CDC73: variants seen among roughly 807,000 people sequenced by gnomAD.
CDC73 encodes parafibromin.
CDC73 carries 21 observed loss-of-function variants against 83.7 expected under a neutral mutation model. The observed-to-expected ratio is 0.25, with a 90% CI of 0.18 to 0.36. The LOEUF is 0.36. Ranked by LOEUF, CDC73 falls within the 10% of genes least tolerant of loss-of-function variation. CDC73 has a pLI of 1.00. For synonymous variants in CDC73, 224 were observed against 212.9 expected (o/e 1.05, Z -0.45); for missense variants, 342 against 653.3 (o/e 0.52, Z 5.19).
intron 10 of CDC73, among the ~76,000 whole-genome samples, chr1:193,203,467 A>T (rs1261947633): frequency 6.6e-6 from 1 of 152,230 alleles, no homozygotes; most frequent in Non-Finnish European, 1.5e-5. Flanking sequence ...ACAGGCAGTG[A>T]CATTTCTGAG....
In CDC73 at chr1:193,151,295, G is replaced by T. The variant is rs1676105787; in HGVS notation, c.907+913G>T. 2.0e-5 allele frequency among the ~76,000 whole-genome samples: 3 copies of T among 152,140 alleles called. No individual in the cohort carries two copies. The South Asian group carries it at 6.2e-4, about 31-fold the overall frequency. On this transcript the variant is annotated intron_variant, in intron 9 of 16. Coordinates refer to ENST00000367435, the MANE Select transcript of CDC73 (RefSeq NM_024529.5). ...GAATTTTGTGTGCTGACTTCATTCA[G>T]TTGTTAAAGGCATGCACTGGATATG...
chr1:193,180,049 T>C, intron 10 of CDC73: 1 of 310,816 alleles, frequency 3.2e-6, no homozygotes, highest in Non-Finnish European at 5.8e-6. Context: ...GCATGCTTGT[T>C]ATTGCATGTT....
intron 10 of CDC73, chr1:193,186,487 C>T (rs897057905): frequency 1.3e-5 from 2 of 152,528 alleles, no homozygotes; most frequent in African/African-American, 4.8e-5. Flanking sequence ...ATAGGATTTA[C>T]CTCTCTTCTT....
intron 10 of CDC73, chr1:193,181,059 T>C: frequency 6.2e-7 from 1 of 1,614,004 alleles, no homozygotes; most frequent in Non-Finnish European, 8.5e-7. Flanking sequence ...GCCGAATAGC[T>C]CTTCTAGCTT....
At chr1:193,135,297 A>C in intron 3 of CDC73, 94 bp from the exon 4 acceptor site, 1 of 987,314 alleles carries the variant, frequency 1.0e-6, no homozygotes, top group Non-Finnish European at 1.6e-6. Context: ...CACCATATAG[A>C]AGTATATAAA....
intron 15 of CDC73, among the ~76,000 whole-genome samples, chr1:193,244,829 G>A (rs1677925961): frequency 6.6e-6 from 1 of 151,970 alleles, no homozygotes; most frequent in Non-Finnish European, 1.5e-5. Context: ...TTTTTCCTCA[G>A]TAGCATTTAT....
chr1:193,245,036 T>C (rs548673565), intron 15 of CDC73, among the ~76,000 whole-genome samples: 2 of 152,360 alleles, frequency 1.3e-5, no homozygotes, highest in Non-Finnish European at 2.9e-5. Flanking sequence ...CATATAATTG[T>C]ACATATTTAT....
chr1:193,148,206 T>G (rs547014035), intron 8 of CDC73, among the ~76,000 whole-genome samples: 2 of 152,336 alleles, frequency 1.3e-5, no homozygotes, highest in South Asian at 4.1e-4. Context: ...AAAGGTTAAT[T>G]AGGGAAAGCC....
chr1:193,235,265 T>G (rs957784704), intron 14 of CDC73, among the ~76,000 whole-genome samples: 2 of 152,200 alleles, frequency 1.3e-5, no homozygotes, highest in Non-Finnish European at 2.9e-5. Context: ...CTTCTTCCTT[T>G]TCTCTGTACT....
chr1:193,165,922 A>G (rs1014504177), intron 10 of CDC73, among the ~76,000 whole-genome samples: 2 of 152,226 alleles, frequency 1.3e-5, no homozygotes, highest in African/African-American at 4.8e-5. Context: ...TAAGCCAGCC[A>G]TCCTTTCACT....
intron 7 of CDC73, among the ~76,000 whole-genome samples, chr1:193,144,711 G>A (rs182595520): frequency 1.4e-3 from 211 of 152,224 alleles, no homozygotes; most frequent in African/African-American, 4.6e-3. Flanking sequence ...CTGCAAACAT[G>A]ATGGTTATTC....
intron 10 of CDC73, among the ~76,000 whole-genome samples, chr1:193,174,745 C>T (rs1676574178): frequency 6.6e-6 from 1 of 152,142 alleles, no homozygotes; most frequent in South Asian, 2.1e-4. Context: ...TCATCCTTGT[C>T]ACTTACTCCT....
intron 14 of CDC73, among the ~76,000 whole-genome samples, chr1:193,233,368 T>G (rs1025367783): frequency 6.6e-6 from 1 of 151,978 alleles, no homozygotes. Flanking sequence ...GCAGCCTATA[T>G]TTTTTAAATA....
chr1:193,147,807 C>A, intron 7 of CDC73, 60 bp from the exon 8 acceptor site: 1 of 903,902 alleles, frequency 1.1e-6, no homozygotes, highest in South Asian at 1.4e-5. Context: ...CTTAAATTAT[C>A]AACTAAATTT....
chr1:193,171,611 C>A (rs1676519114), intron 10 of CDC73, among the ~76,000 whole-genome samples: 2 of 152,152 alleles, frequency 1.3e-5, no homozygotes, highest in Admixed American at 1.3e-4. Flanking sequence ...CATGCTTTGA[C>A]TCTCCCTTGT....
intron 10 of CDC73, among the ~76,000 whole-genome samples, chr1:193,200,079 CAAAA>C (rs1677065471): frequency 2.9e-5 from 4 of 140,302 alleles, no homozygotes; most frequent in Non-Finnish European, 6.2e-5. Context: ...AAAAAAAAAA[CAAAA>C]AACAAAAACT....
intron 13 of CDC73, among the ~76,000 whole-genome samples, chr1:193,222,793 C>T (rs1330022903): frequency 1.7e-5 from 2 of 119,490 alleles, no homozygotes; most frequent in Non-Finnish European, 3.5e-5. Flanking sequence ...TGTTCCCCAT[C>T]CCCCCTTTTT....
chr1:193,182,382 G>A (rs1347100307), intron 10 of CDC73, among the ~76,000 whole-genome samples: 3 of 152,022 alleles, frequency 2.0e-5, no homozygotes, highest in Non-Finnish European at 4.4e-5. Context: ...ATTGTTCTTA[G>A]ACTTAAGATT....
At chr1:193,194,424 C>G (rs1676967509) in intron 10 of CDC73, among the ~76,000 whole-genome samples, 1 of 152,108 alleles carries the variant, frequency 6.6e-6, no homozygotes, top group Non-Finnish European at 1.5e-5. Context: ...CGCTGATTAA[C>G]ACTTCTGGTT....
Sources: allele counts gnomAD v4.1 joint callset (sites outside exome capture counted in the v4.1 genomes callset), GRCh38; gene constraint gnomAD v4.1.1; transcripts MANE v1.5; gene names NCBI Gene and HGNC (gene_info 2026-07-23, HGNC 2026-07-21).